WWOX: variants seen among roughly 807,000 people sequenced by gnomAD.
WWOX encodes WW domain containing oxidoreductase.
A neutral mutation model predicts 46.2 loss-of-function variants in WWOX; 69 were observed. The observed-to-expected ratio is 1.49, with a 90% confidence interval of 1.23 to 1.82. The LOEUF (loss-of-function observed/expected upper bound fraction) is 1.82, where lower values mean the gene tolerates loss of function less well. Among genes scored for constraint, WWOX ranks in the 40% most tolerant of loss-of-function variants. The pLI, the probability that WWOX is intolerant of heterozygous loss-of-function variation, is 0.00. For missense variants in WWOX, 919 were observed against 542.6 expected (o/e 1.69, Z -6.89); for synonymous variants, 359 against 202.6 (o/e 1.77, Z -6.56).
At chr16:78,379,049 C>G (rs1046114861) in intron 5 of WWOX, among the ~76,000 whole-genome samples, 8 of 152,144 alleles carry the variant, frequency 5.3e-5, no homozygotes, top group African/African-American at 1.9e-4. Flanking sequence ...AGCTTGGCCA[C>G]TGTCACGTCA....
At position 78,108,404 on chromosome 16, in the gene WWOX, A is replaced by T. The variant is rs2032284832; in HGVS notation, c.108-19A>T. 3.2e-6 allele frequency: 5 copies of T among 1,550,342 alleles called. No homozygotes were observed. In the African/African-American group the frequency reaches 6.8e-5, roughly 21 times the overall value. ...AGTTAATTTTTACTTATTACTGTGGATTTTTTGTTTTTTAACAGTCACACC... is the reference window on the plus strand; with the variant it reads ...AGTTAATTTTTACTTATTACTGTGGTTTTTTTGTTTTTTAACAGTCACACC... On this transcript the variant is annotated intron_variant, in intron 1 of 8. Transcript: ENST00000566780.
intron 8 of WWOX, among the ~76,000 whole-genome samples, chr16:78,835,183 T>G (rs752529788): frequency 1.7e-4 from 26 of 152,168 alleles, no homozygotes; most frequent in Non-Finnish European, 3.5e-4. Flanking sequence ...TATCCAACAT[T>G]AGCTGTCTTT....
intron 5 of WWOX, among the ~76,000 whole-genome samples, chr16:78,287,682 AG>A: frequency 6.6e-6 from 1 of 152,338 alleles, no homozygotes; most frequent in East Asian, 1.9e-4. Context: ...GACGGAGACC[AG>A]GCCAAAACGG....
chr16:78,988,543 C>G lies in WWOX; in HGVS notation c.1057-223065C>G, dbSNP rs149501393. On this transcript the variant is annotated intron_variant, in intron 8 of 8. Transcript: ENST00000566780. Reference sequence around the variant, plus strand: ...GCCTACCACTGGTAATACTCCCTCTCCCCAGGAGAGGTCCCAGCGGAATAA... The same window carrying G: ...GCCTACCACTGGTAATACTCCCTCTGCCCAGGAGAGGTCCCAGCGGAATAA... Among the ~76,000 whole-genome samples the G allele has an allele frequency of 2.4e-3, 366 of 152,100 alleles. 3 individuals carry two copies. The highest frequency in any genetic ancestry group is 4.4e-3 in the Non-Finnish European group (300 of 67,968).
At chr16:78,570,481 T>C (rs2044688207) in intron 8 of WWOX, among the ~76,000 whole-genome samples, 1 of 152,130 alleles carries the variant, frequency 6.6e-6, no homozygotes, top group African/African-American at 2.4e-5. Flanking sequence ...CCTAATTTTT[T>C]TTAATTTTTC....
intron 8 of WWOX, among the ~76,000 whole-genome samples, chr16:78,706,782 A>T (rs1597470384): frequency 1.3e-5 from 2 of 152,162 alleles, no homozygotes; most frequent in South Asian, 4.2e-4. Context: ...CTACCCTTGC[A>T]ACTGACTCAG....
intron 8 of WWOX, among the ~76,000 whole-genome samples, chr16:78,538,656 C>T (rs531184653): frequency 1.3e-5 from 2 of 152,238 alleles, no homozygotes; most frequent in Admixed American, 6.5e-5. Flanking sequence ...TGTTTGACAT[C>T]GAGATAGAAT....
chr16:78,588,045 A>G (rs1157476749), intron 8 of WWOX, among the ~76,000 whole-genome samples: 2 of 152,214 alleles, frequency 1.3e-5, no homozygotes, highest in African/African-American at 2.4e-5. Flanking sequence ...ATGAAGCTGT[A>G]TCTGCTCCCT....
chr16:78,651,283 C>G (rs1424162), intron 8 of WWOX, among the ~76,000 whole-genome samples: 1 of 152,102 alleles, frequency 6.6e-6, no homozygotes, highest in Non-Finnish European at 1.5e-5. Flanking sequence ...CGAGTGAGTG[C>G]GAGCGAGAGA....
At chr16:78,781,542 G>T (rs1213358573) in intron 8 of WWOX, among the ~76,000 whole-genome samples, 1 of 152,178 alleles carries the variant, frequency 6.6e-6, no homozygotes, top group Non-Finnish European at 1.5e-5. Context: ...GTTAATACCT[G>T]TTGCTTTTGT....
chr16:78,505,806 T>C (rs2085185648), intron 8 of WWOX, among the ~76,000 whole-genome samples: 1 of 144,386 alleles, frequency 6.9e-6, no homozygotes, highest in African/African-American at 2.5e-5. Flanking sequence ...TACTACACTT[T>C]AAAAATTACC....
chr16:79,096,983 T>TA (rs1281088926), intron 8 of WWOX, among the ~76,000 whole-genome samples: 1 of 151,980 alleles, frequency 6.6e-6, no homozygotes, highest in Non-Finnish European at 1.5e-5. Flanking sequence ...GAAGGGGGCA[T>TA]GCTGTCATTC....
intron 8 of WWOX, among the ~76,000 whole-genome samples, chr16:78,537,205 C>T (rs796792105): frequency 6.6e-6 from 1 of 152,124 alleles, no homozygotes; most frequent in Non-Finnish European, 1.5e-5. Context: ...GGGTGACCCA[C>T]CACACCCAGC....
intron 8 of WWOX, among the ~76,000 whole-genome samples, chr16:79,014,101 C>T (rs919442811): frequency 5.3e-5 from 8 of 152,160 alleles, no homozygotes; most frequent in Non-Finnish European, 1.0e-4. Context: ...CGCTTTAGCC[C>T]GAGCTGGGTC....
chr16:78,384,240 G>C (rs1314215042), intron 5 of WWOX, among the ~76,000 whole-genome samples: 1 of 152,084 alleles, frequency 6.6e-6, no homozygotes, highest in African/African-American at 2.4e-5. Context: ...CTTTCCTCTT[G>C]TGATACATTC....
At chr16:78,100,079 C>T (rs1260439664) in intron 1 of WWOX, 194 bp downstream of exon 1, 62 of 1,385,166 alleles carry the variant, frequency 4.5e-5, no homozygotes, top group South Asian at 8.6e-5. Flanking sequence ...TCGGGTCCAG[C>T]GGGGGTCACC....
rs74032403 is a variant in WWOX at position 78,863,631 on chromosome 16, T to A, written c.1057-347977T>A. On this transcript the variant is annotated intron_variant, in intron 8 of 8. Coordinates refer to ENST00000566780, the MANE Select transcript of WWOX (RefSeq NM_016373.4). ...AAGCTGTATTCAGGCAGGCACGAAG[T>A]CTCTTATTTACTCAGTGTTTCTGGA... Among the ~76,000 whole-genome samples the A allele has an allele frequency of 8.4e-3, 1,278 of 152,220 alleles. 20 individuals carry two copies. The highest frequency in any genetic ancestry group is 0.029 in the African/African-American group (1,215 of 41,526).
chr16:78,852,530 A>G, intron 8 of WWOX, among the ~76,000 whole-genome samples: 1 of 152,140 alleles, frequency 6.6e-6, no homozygotes, highest in East Asian at 1.9e-4. Flanking sequence ...AACCCCCTTT[A>G]AACTTTTGGA....
chr16:78,497,883 T>A (rs919747020), intron 8 of WWOX, among the ~76,000 whole-genome samples: 3 of 151,322 alleles, frequency 2.0e-5, no homozygotes, highest in African/African-American at 7.3e-5. Flanking sequence ...AAGCCCACAT[T>A]TTAAAGGGAA....
Sources: allele counts gnomAD v4.1 joint callset (sites outside exome capture counted in the v4.1 genomes callset), GRCh38; gene constraint gnomAD v4.1.1; transcripts MANE v1.5; gene names NCBI Gene and HGNC (gene_info 2026-07-23, HGNC 2026-07-21).